Variants in TRAK1 observed in about 807,000 individuals in gnomAD.
TRAK1 encodes the protein trafficking kinesin-binding protein 1.
TRAK1 carries 33 observed loss-of-function variants against 92.1 expected under a neutral mutation model. The observed-to-expected ratio is 0.36, with a 90% confidence interval of 0.27 to 0.48. The LOEUF (loss-of-function observed/expected upper bound fraction) is 0.48, where lower values mean the gene tolerates loss of function less well. Ranked by LOEUF, TRAK1 falls within the 20% of genes least tolerant of loss-of-function variation. The pLI is 0.99. For missense variants in TRAK1, 1,123 were observed against 1,257.9 expected (o/e 0.89, Z 1.62); for synonymous variants, 521 against 517.3 (o/e 1.01, Z -0.10).
intron 1 of TRAK1, among the ~76,000 whole-genome samples, chr3:42,039,178 A>T (rs1559715303): frequency 6.6e-6 from 1 of 152,120 alleles, no homozygotes; most frequent in African/African-American, 2.4e-5. Flanking sequence ...ACGGAATCAT[A>T]TAATATGTGG....
At position 42,194,847 on chromosome 3, in the gene TRAK1, TGCATGAGGC is replaced by T; in HGVS notation, c.1023_1031del (p.His341_Ala343del). 6.2e-7 allele frequency: 1 copy of T among 1,613,948 alleles called. No individual in the cohort carries two copies. Among genetic ancestry groups the T allele is most frequent in the Non-Finnish European group, 8.5e-7 (1 of 1,179,928 alleles). On this transcript the variant is annotated inframe_deletion, in exon 10 of 16. Transcript: ENST00000327628. ...AAGTACGCAGAGTGCATGGAGATGC[TGCATGAGGC>T]GCAGGAGGAGCTGAAGAACCTCCGG...
intron 1 of TRAK1, among the ~76,000 whole-genome samples, chr3:42,042,474 C>T (rs1183725837): frequency 3.3e-5 from 5 of 152,058 alleles, no homozygotes; most frequent in African/African-American, 9.7e-5. Context: ...TGGGTTCAAG[C>T]GATTCTCATG....
intron 3 of TRAK1, among the ~76,000 whole-genome samples, chr3:42,179,882 A>G (rs569193554): frequency 1.2e-3 from 184 of 152,076 alleles, no homozygotes; most frequent in Non-Finnish European, 2.1e-3. Context: ...GCCATCTTCT[A>G]GCTGTTTTCT....
At chr3:42,149,660 G>C (rs980363631) in intron 2 of TRAK1, 25 of 1,532,378 alleles carry the variant, frequency 1.6e-5, no homozygotes, top group Middle Eastern at 1.7e-4. Context: ...CCTTCTGGGT[G>C]GGGGGTGTCC....
intron 1 of TRAK1, among the ~76,000 whole-genome samples, chr3:42,099,792 A>G (rs1266519093): frequency 2.0e-5 from 3 of 152,228 alleles, no homozygotes; most frequent in Non-Finnish European, 2.9e-5. Flanking sequence ...CTCATTGCCC[A>G]GTGCTATTTT....
At chr3:42,214,053 T>C (rs1280434011) in intron 14 of TRAK1, among the ~76,000 whole-genome samples, 2 of 152,184 alleles carry the variant, frequency 1.3e-5, no homozygotes, top group Non-Finnish European at 2.9e-5. Context: ...ATTGACTCCT[T>C]CAAAACAAAC....
chr3:42,065,479 C>T (rs1252215689), intron 1 of TRAK1, among the ~76,000 whole-genome samples: 10 of 151,876 alleles, frequency 6.6e-5, no homozygotes, highest in African/African-American at 1.9e-4. Flanking sequence ...GATTTTGGAG[C>T]ATTTTGGGTT....
rs144757837 is a variant in TRAK1, at chr3:42,015,630, A to G, written c.-519+1513A>G. On this transcript the variant is annotated intron_variant, in intron 1 of 16. Transcript: ENST00000487159. ...GGGAGCGTTTTCAGGTCTCCTTCCAACATGATTGGGTTTGTAATTTGGTAA... is the reference window on the plus strand; with the variant it reads ...GGGAGCGTTTTCAGGTCTCCTTCCAGCATGATTGGGTTTGTAATTTGGTAA... Among the ~76,000 whole-genome samples the G allele has an allele frequency of 3.9e-5, 6 of 152,302 alleles. No individual in the cohort carries two copies. In the East Asian group the frequency reaches 1.2e-3, roughly 29 times the overall value.
chr3:42,117,344 A>G (rs1304613045), intron 1 of TRAK1, among the ~76,000 whole-genome samples: 2 of 147,434 alleles, frequency 1.4e-5, no homozygotes, highest in African/African-American at 5.2e-5. Flanking sequence ...CCTGGCCGGC[A>G]CCCAGGGCCT....
intron 1 of TRAK1, among the ~76,000 whole-genome samples, chr3:42,031,597 T>C (rs1223966036): frequency 2.0e-5 from 3 of 150,912 alleles, no homozygotes; most frequent in Admixed American, 1.3e-4. Flanking sequence ...TGTGCTACTG[T>C]ACTCCAGCTC....
intron 1 of TRAK1, among the ~76,000 whole-genome samples, chr3:42,032,677 G>A (rs991136914): frequency 2.0e-5 from 3 of 152,120 alleles, no homozygotes; most frequent in Non-Finnish European, 4.4e-5. Flanking sequence ...TTTGCTCCCA[G>A]TCTGGCAGCA....
At chr3:42,144,227 T>C (rs1699049168) in intron 2 of TRAK1, among the ~76,000 whole-genome samples, 1 of 151,320 alleles carries the variant, frequency 6.6e-6, no homozygotes, top group Non-Finnish European at 1.5e-5. Flanking sequence ...TAGGAATTTG[T>C]ACCCCCTTTT....
intron 1 of TRAK1, among the ~76,000 whole-genome samples, chr3:42,044,957 G>GT (rs999240868): frequency 1.3e-5 from 2 of 151,802 alleles, no homozygotes; most frequent in African/African-American, 4.8e-5. Flanking sequence ...ATGCTTGTGT[G>GT]TTTTTTTAAA....
intron 2 of TRAK1, among the ~76,000 whole-genome samples, chr3:42,128,889 T>C (rs1710939513): frequency 6.6e-6 from 1 of 152,216 alleles, no homozygotes. Flanking sequence ...GAAGGCTGAG[T>C]GTTGTGGAAT....
intron 13 of TRAK1, chr3:42,203,075 T>C: frequency 8.1e-7 from 1 of 1,233,936 alleles, no homozygotes; most frequent in East Asian, 3.1e-5. Flanking sequence ...GTAGAGGCAC[T>C]GCTAACTGAT....
chr3:42,019,809 G>T (rs1284235536), intron 1 of TRAK1, among the ~76,000 whole-genome samples: 5 of 152,204 alleles, frequency 3.3e-5, no homozygotes, highest in Non-Finnish European at 7.3e-5. Flanking sequence ...GTTAGAAGTG[G>T]TTTGGCTTCA....
At chr3:42,158,219 G>T (rs908322122) in intron 2 of TRAK1, among the ~76,000 whole-genome samples, 7 of 152,290 alleles carry the variant, frequency 4.6e-5, no homozygotes, top group African/African-American at 1.7e-4. Context: ...AATTTATTAT[G>T]AGTAAAGTCA....
At chr3:42,099,683 C>T (rs1010883445) in intron 1 of TRAK1, among the ~76,000 whole-genome samples, 2 of 152,190 alleles carry the variant, frequency 1.3e-5, no homozygotes, top group African/African-American at 4.8e-5. Flanking sequence ...CCAACATGTT[C>T]GGTTTCAGCT....
At chr3:42,075,400 T>C (rs1576248854) in intron 1 of TRAK1, among the ~76,000 whole-genome samples, 1 of 151,728 alleles carries the variant, frequency 6.6e-6, no homozygotes, top group African/African-American at 2.4e-5. Flanking sequence ...CAGGCTGGTC[T>C]TGAACTCCTG....
Sources: gnomAD v4.1 joint callset for allele counts (sites outside exome capture counted in the v4.1 genomes callset) on GRCh38, gnomAD v4.1.1 for gene constraint, MANE v1.5 for transcripts, NCBI Gene and HGNC (gene_info 2026-07-23, HGNC 2026-07-21) for gene names.